Variants in ATG13 observed in about 807,000 individuals in gnomAD.
ATG13 encodes the protein autophagy related 13.
In ATG13, 23 loss-of-function variants were observed where a neutral mutation model predicts 65.5. That is an observed-to-expected ratio of 0.35 (90% CI 0.25 to 0.50). ATG13 has a LOEUF of 0.50. Among genes scored for constraint, ATG13 ranks in the 20% least tolerant of loss-of-function variants. The probability of loss-of-function intolerance (pLI) is 0.98; values close to 1 mark genes in which losing one functional copy is unlikely to be tolerated. For missense variants in ATG13, 566 were observed against 677.0 expected, an observed-to-expected ratio of 0.84 and a Z score of 1.82; for synonymous variants, 252 against 245.2, an observed-to-expected ratio of 1.03 and a Z score of -0.26.
intron 2 of ATG13, among the ~76,000 whole-genome samples, chr11:46,641,410 G>A (rs1324875905): frequency 2.6e-5 from 4 of 152,102 alleles, no homozygotes; most frequent in South Asian, 4.2e-4. Flanking sequence ...CATGAGATAG[G>A]GTACTATGAA....
intron 5 of ATG13, among the ~76,000 whole-genome samples, chr11:46,648,106 C>T (rs894543134): frequency 6.6e-6 from 1 of 150,496 alleles, no homozygotes; most frequent in Non-Finnish European, 1.5e-5. Context: ...AACCCCACCC[C>T]CCCCAGCACT....
intron 2 of ATG13, among the ~76,000 whole-genome samples, chr11:46,641,900 G>A (rs904360900): frequency 1.3e-5 from 2 of 151,572 alleles, no homozygotes; most frequent in Non-Finnish European, 1.5e-5. Context: ...TCATCCTCCC[G>A]AGTAGCTAGG....
At chr11:46,652,978 A>G (rs2059219717) in intron 7 of ATG13, among the ~76,000 whole-genome samples, 2 of 151,898 alleles carry the variant, frequency 1.3e-5, no homozygotes, top group Non-Finnish European at 2.9e-5. Context: ...TTGTTTACAT[A>G]TTGTCTATGG....
intron 4 of ATG13, 71 bp from the exon 5 acceptor site, chr11:46,645,799 A>C (rs989570009): frequency 1.0e-5 from 16 of 1,590,872 alleles, no homozygotes; most frequent in Admixed American, 5.1e-5. Flanking sequence ...TGCATTACCC[A>C]GCATACACTA....
chr11:46,621,692 A>C (rs73451822), intron 1 of ATG13, among the ~76,000 whole-genome samples: 1 of 152,050 alleles, frequency 6.6e-6, no homozygotes, highest in South Asian at 2.1e-4. Flanking sequence ...TGGCTTCTCC[A>C]GGCTTCTTTG....
chr11:46,644,397 A>G, intron 3 of ATG13, 37 bp downstream of exon 3: 1 of 1,525,084 alleles, frequency 6.6e-7, no homozygotes, highest in Non-Finnish European at 8.9e-7. Context: ...GAACTGTTAG[A>G]AATAACTTCC....
chr11:46,633,001 A>AAT (rs1555065475), intron 2 of ATG13, among the ~76,000 whole-genome samples: 1 of 102,340 alleles, frequency 9.8e-6, no homozygotes, highest in Non-Finnish European at 1.9e-5. Context: ...CCATTAAAAA[A>AAT]AAATATATAT....
intron 10 of ATG13, 62 bp from the exon 11 acceptor site, chr11:46,659,330 T>C (rs1240002712): frequency 4.4e-6 from 6 of 1,352,222 alleles, no homozygotes; most frequent in Non-Finnish European, 6.4e-6. Context: ...TCACCTTTTA[T>C]AGCCTTTCTG....
intron 1 of ATG13, among the ~76,000 whole-genome samples, chr11:46,628,247 A>T (rs968696225): frequency 2.0e-5 from 3 of 152,064 alleles, no homozygotes; most frequent in African/African-American, 7.2e-5. Context: ...CATTAAAAAT[A>T]CAAAAATAAG....
At chr11:46,649,513 T>G (rs535010253) in intron 6 of ATG13, among the ~76,000 whole-genome samples, 25 of 152,382 alleles carry the variant, frequency 1.6e-4, no homozygotes, top group Non-Finnish European at 2.8e-4. Context: ...TACTCTGTTT[T>G]GTCTGTTTTC....
intron 3 of ATG13, among the ~76,000 whole-genome samples, chr11:46,644,896 A>G (rs2057126318): frequency 6.6e-6 from 1 of 152,238 alleles, no homozygotes; most frequent in Non-Finnish European, 1.5e-5. Context: ...TTTTAGTTGT[A>G]AAATTATGTG....
In ATG13 at chr11:46,672,334, A is replaced by G. The variant is rs780406477; in HGVS notation, c.*2A>G. ...GCCTTTGTGGAAACCCTGCAGTAAA[A>G]GTATCCTTGAGTCCCAGCAGCACCC... On this transcript the variant is annotated 3_prime_UTR_variant, in exon 19 of 19. Transcript: ENST00000683050. 20 of 1,614,112 alleles carry G rather than the reference A, an allele frequency of 1.2e-5. No homozygotes were observed. The highest frequency in any genetic ancestry group is 1.6e-5 in the Non-Finnish European group (19 of 1,180,036).
In ATG13 at chr11:46,645,913, CAAAG is replaced by C; in HGVS notation, c.197_200del (p.Lys66ArgfsTer37). On this transcript the variant is annotated frameshift_variant, in exon 5 of 19. Transcript: ENST00000683050. LOFTEE classifies it high-confidence loss of function. ...GACATCCCAGAGGTTACACATGAAG[CAAAG>C]AAGGCACTGGCAGGACAGCTGCCTG... 2 of 1,614,162 alleles carry C rather than the reference CAAAG, an allele frequency of 1.2e-6. No homozygotes were observed. The highest frequency in any genetic ancestry group is 1.7e-6 in the Non-Finnish European group (2 of 1,180,016).
chr11:46,657,046 G>A lies in ATG13; in HGVS notation c.500-49G>A, dbSNP rs374721467. 2.0e-5 allele frequency: 29 copies of A among 1,455,682 alleles called. No homozygotes were observed. In the African/African-American group the frequency reaches 2.5e-4, roughly 13 times the overall value. 90.2% of individuals were successfully genotyped at this position (1,455,682 alleles called of 1,614,324 possible). A position where few individuals can be genotyped will look rare whatever the true frequency, so the allele number is the denominator to read the frequency against. ...TTCAGGGAAAGACGGTCTGGGGGCAGTGTCAGTATTCTCTGCAAAAGAAGC... is the reference window on the plus strand; with the variant it reads ...TTCAGGGAAAGACGGTCTGGGGGCAATGTCAGTATTCTCTGCAAAAGAAGC... On this transcript the variant is annotated intron_variant, in intron 8 of 18. Transcript: ENST00000683050.
At chr11:46,647,968 C>G (rs2058063241) in intron 5 of ATG13, among the ~76,000 whole-genome samples, 1 of 152,134 alleles carries the variant, frequency 6.6e-6, no homozygotes, top group African/African-American at 2.4e-5. Flanking sequence ...AGGATTGATG[C>G]AGATACTGTT....
chr11:46,657,032 A>T (rs2060185138), intron 8 of ATG13, 63 bp from the exon 9 acceptor site: 1 of 1,358,728 alleles, frequency 7.4e-7, no homozygotes, highest in Non-Finnish European at 1.1e-6. Context: ...TCAGGGAAAG[A>T]CGGTCTGGGG....
intron 2 of ATG13, among the ~76,000 whole-genome samples, chr11:46,643,817 C>G (rs2056823945): frequency 6.6e-6 from 1 of 152,148 alleles, no homozygotes; most frequent in African/African-American, 2.4e-5. Flanking sequence ...TATATGCAAA[C>G]ATTCCTATAT....
chr11:46,667,732 G>A, intron 14 of ATG13, 41 bp from the exon 15 acceptor site: 2 of 1,494,148 alleles, frequency 1.3e-6, no homozygotes, highest in East Asian at 2.3e-5. Context: ...TCGTCCTGCT[G>A]TGGTTTGAGA....
intron 1 of ATG13, among the ~76,000 whole-genome samples, chr11:46,623,860 C>T (rs1027918227): frequency 6.6e-6 from 1 of 151,666 alleles, no homozygotes; most frequent in African/African-American, 2.4e-5. Context: ...TACCACATTA[C>T]TTTCTTTCTC....
Sources: allele counts gnomAD v4.1 joint callset (sites outside exome capture counted in the v4.1 genomes callset), GRCh38; gene constraint gnomAD v4.1.1; transcripts MANE v1.5; gene names NCBI Gene and HGNC (gene_info 2026-07-23, HGNC 2026-07-21).